NAA35: variants seen among roughly 807,000 people sequenced by gnomAD.
NAA35 encodes the protein MAK10 homolog, amino-acid N-acetyltransferase subunit.
A neutral mutation model predicts 101.7 loss-of-function variants in NAA35; 18 were observed. The ratio of observed to expected loss-of-function variants is 0.18; its 90% CI spans 0.12 to 0.26. NAA35 has a LOEUF of 0.26. Ranked by LOEUF, NAA35 falls within the 10% of genes least tolerant of loss-of-function variation. The pLI, the probability that NAA35 is intolerant of heterozygous loss-of-function variation, is 1.00. For synonymous variants in NAA35, 267 were observed against 273.1 expected (o/e 0.98, Z 0.22); for missense variants, 601 against 886.8 (o/e 0.68, Z 4.09).
intron 2 of NAA35, among the ~76,000 whole-genome samples, chr9:85,946,063 C>T (rs1160310930): frequency 6.6e-6 from 1 of 151,490 alleles, no homozygotes; most frequent in East Asian, 1.9e-4. Flanking sequence ...TGTTGTTTTG[C>T]CTGATAGGAA....
rs964262940 is a variant in NAA35 at position 86,023,015 on chromosome 9, A to G, written c.*1055A>G. Among the ~76,000 whole-genome samples the G allele has an allele frequency of 1.3e-5, 2 of 152,182 alleles. No homozygotes were observed. Among genetic ancestry groups the G allele is most frequent in the African/African-American group, 4.8e-5 (2 of 41,440 alleles). ...GTGGTTAAAAGGGTTCTCAGCTTCA[A>G]ATATCTTAACTCTGATTTGGTACCT... On this transcript the variant is annotated 3_prime_UTR_variant, in exon 23 of 23. Transcript: ENST00000361671.
At chr9:85,974,914 G>T (rs1587602542) in intron 6 of NAA35, 53 bp from the exon 7 acceptor site, 1 of 1,271,912 alleles carries the variant, frequency 7.9e-7, no homozygotes, top group Non-Finnish European at 1.1e-6. Flanking sequence ...ATATTTTGCC[G>T]CTATTTAAGG....
intron 11 of NAA35, among the ~76,000 whole-genome samples, chr9:85,987,368 T>G (rs1830692439): frequency 6.6e-6 from 1 of 152,206 alleles, no homozygotes; most frequent in Non-Finnish European, 1.5e-5. Flanking sequence ...ACTACTGACC[T>G]TGGTGCCAAA....
intron 10 of NAA35, among the ~76,000 whole-genome samples, chr9:85,977,916 G>A (rs1830280100): frequency 6.6e-6 from 1 of 150,548 alleles, no homozygotes; most frequent in Non-Finnish European, 1.5e-5. Context: ...TTTAATTTCT[G>A]TAATTCTATT....
chr9:85,952,382 T>C (rs1829058726), intron 2 of NAA35, among the ~76,000 whole-genome samples: 1 of 151,012 alleles, frequency 6.6e-6, no homozygotes, highest in Non-Finnish European at 1.5e-5. Flanking sequence ...ACCTCCTGGG[T>C]TCAAATGATT....
rs566508968 is a variant in NAA35 at position 85,953,649 on chromosome 9, G to C, written c.125-2711G>C. On this transcript the variant is annotated intron_variant, in intron 2 of 22. Transcript: ENST00000361671. Reference sequence around the variant, plus strand: ...TCACCACATTGGCCAGGCTGGTCTTGAACTCCTGACCTCAGGTGATCTGCC... The same window carrying C: ...TCACCACATTGGCCAGGCTGGTCTTCAACTCCTGACCTCAGGTGATCTGCC... 4.0e-5 allele frequency among the ~76,000 whole-genome samples: 6 copies of C among 151,820 alleles called. No homozygotes were observed. In the East Asian group the frequency reaches 7.8e-4, roughly 20 times the overall value.
intron 2 of NAA35, among the ~76,000 whole-genome samples, chr9:85,954,869 G>C (rs1308940701): frequency 6.6e-6 from 1 of 152,092 alleles, no homozygotes. Flanking sequence ...ACCACTCTTC[G>C]AGAATTGCTG....
chr9:85,986,199 G>A (rs951104302), intron 11 of NAA35, among the ~76,000 whole-genome samples: 3 of 152,210 alleles, frequency 2.0e-5, no homozygotes, highest in African/African-American at 7.2e-5. Flanking sequence ...GTTGAATTAA[G>A]CCTTATGAGA....
intron 2 of NAA35, among the ~76,000 whole-genome samples, chr9:85,952,593 G>GT (rs1415905410): frequency 3.3e-5 from 5 of 151,498 alleles, no homozygotes; most frequent in Admixed American, 6.6e-5. Context: ...CTGTGCAAGT[G>GT]TTTTTTTTCC....
chr9:85,966,531 G>GA, intron 6 of NAA35: 1 of 807,946 alleles, frequency 1.2e-6, no homozygotes, highest in Non-Finnish European at 1.7e-6. Flanking sequence ...AAATACAAAT[G>GA]AAAATGTAGT....
chr9:85,984,224 G>A (rs1162795491), intron 11 of NAA35, among the ~76,000 whole-genome samples: 2 of 152,108 alleles, frequency 1.3e-5, no homozygotes, highest in Non-Finnish European at 2.9e-5. Context: ...AGCTACTCGG[G>A]AGATTGAAGT....
Position 85,988,165 on chromosome 9 carries a change from C to A in NAA35, c.878-8234C>A, listed in dbSNP as rs535977325. 7.2e-4 allele frequency among the ~76,000 whole-genome samples: 110 copies of A among 152,308 alleles called. 1 individual carries two copies. The highest frequency in any genetic ancestry group is 6.5e-4 in the Admixed American group (10 of 15,304). On this transcript the variant is annotated intron_variant, in intron 11 of 22. Transcript: ENST00000361671. ...CAGCTAGCCTAGAGTGCTATTCTAA[C>A]ACCTCACTCAAAAAACTGGTTCAAG...
intron 2 of NAA35, among the ~76,000 whole-genome samples, chr9:85,945,510 T>C (rs1362663929): frequency 6.6e-6 from 1 of 152,072 alleles, no homozygotes; most frequent in Non-Finnish European, 1.5e-5. Flanking sequence ...AAGAATGTAA[T>C]GGCATTTGGC....
intron 6 of NAA35, 21 bp downstream of exon 6, chr9:85,962,201 A>G: frequency 6.2e-7 from 1 of 1,610,116 alleles, no homozygotes; most frequent in Non-Finnish European, 8.5e-7. Flanking sequence ...GTAATGTAAG[A>G]AATCCTTGGC....
At position 85,959,778 on chromosome 9, in the gene NAA35, C is replaced by T. The variant is rs770049767; in HGVS notation, c.274-15C>T. On this transcript the variant is annotated splice_polypyrimidine_tract_variant and intron_variant, in intron 4 of 22. Coordinates refer to ENST00000361671, the MANE Select transcript of NAA35 (RefSeq NM_024635.4). ...AAAATTTCTGCTTATATGTCACATT[C>T]TTCCTCCTTTTTAGGATGGCACTAT... is the stretch of plus-strand genomic sequence containing the variant. 6.3e-7 allele frequency: 1 copy of T among 1,595,294 alleles called. No homozygotes were observed. The highest frequency in any genetic ancestry group is 8.6e-7 in the Non-Finnish European group (1 of 1,169,260).
At chr9:85,967,572 C>T (rs1309655035) in intron 6 of NAA35, among the ~76,000 whole-genome samples, 1 of 151,950 alleles carries the variant, frequency 6.6e-6, no homozygotes, top group Non-Finnish European at 1.5e-5. Context: ...CTTTGAGAGG[C>T]CCGAGGTGGG....
At chr9:86,013,187 C>T (rs780170485) in intron 16 of NAA35, 43 bp downstream of exon 16, 5 of 1,210,142 alleles carry the variant, frequency 4.1e-6, no homozygotes, top group African/African-American at 1.5e-5. Context: ...AAATGATGCA[C>T]ACACTTTGTC....
chr9:86,013,972 G>T, intron 17 of NAA35, 75 bp downstream of exon 17: 1 of 1,204,208 alleles, frequency 8.3e-7, no homozygotes, highest in Non-Finnish European at 1.1e-6. Context: ...TTAATTTCAG[G>T]GTACTTTTTC....
chr9:86,009,872 C>A lies in NAA35; in HGVS notation c.1231C>A (p.Leu411Ile), dbSNP rs753094969. 1 of 1,611,396 alleles carries A rather than the reference C, an allele frequency of 6.2e-7. No homozygotes were observed. The highest frequency in any genetic ancestry group is 8.5e-7 in the Non-Finnish European group (1 of 1,177,936). ...SPPVLSPKCYLYNNHQAKDCI... is the reference protein window; with the variant it reads ...SPPVLSPKCYIYNNHQAKDCI... Reference sequence around the variant, plus strand: ...GTGACTGTTATCTTGCAGGTGCTACCTATATAATAATCACCAGGCTAAGGA... The same window carrying A: ...GTGACTGTTATCTTGCAGGTGCTACATATATAATAATCACCAGGCTAAGGA... The change falls in exon 15 of 23, where the codon CTA becomes ATA. Residue 411 changes from leucine (L) to isoleucine (I), a missense_variant. Physicochemically the swap from Leu to Ile is conservative, Grantham distance 5 (BLOSUM62 2). Around this residue, in one of 8 missense-constraint regions of NAA35, gnomAD observed 190 missense variants for 223.1 expected, o/e 0.85. Coordinates refer to ENST00000361671, the MANE Select transcript of NAA35 (RefSeq NM_024635.4).
Sources: gnomAD v4.1 joint callset for allele counts (sites outside exome capture counted in the v4.1 genomes callset) on GRCh38, gnomAD v4.1.1 for gene constraint, gnomAD v4.1.1 regional missense constraint, MANE v1.5 for transcripts, NCBI Gene and HGNC (gene_info 2026-07-23, HGNC 2026-07-21) for gene names.